TTC28: variants seen among roughly 807,000 people sequenced by gnomAD.
The protein encoded by TTC28 is tetratricopeptide repeat domain 28.
TTC28 carries 61 observed loss-of-function variants against 198.0 expected under a neutral mutation model. The observed-to-expected ratio is 0.31, with a 90% CI of 0.25 to 0.38. The LOEUF (loss-of-function observed/expected upper bound fraction) is 0.38. Ranked by LOEUF, TTC28 falls within the 10% of genes least tolerant of loss-of-function variation. TTC28 has a pLI of 1.00. For synonymous variants in TTC28, 1,171 were observed against 1,297.8 expected, an observed-to-expected ratio of 0.90 and a Z score of 2.10; for missense variants, 2,678 against 3,164.0, an observed-to-expected ratio of 0.85 and a Z score of 3.69.
At chr22:28,593,457 A>ATAGGTAGGTAGCTAGGTAGGTAGG (rs879877136) in intron 2 of TTC28, among the ~76,000 whole-genome samples, 1 of 145,706 alleles carries the variant, frequency 6.9e-6, no homozygotes, top group Non-Finnish European at 1.5e-5. Context: ...AGATAGGTAG[A>ATAGGTAGGTAGCTAGGTAGGTAGG]TAGGTAGGTA....
intron 8 of TTC28, among the ~76,000 whole-genome samples, chr22:28,102,585 T>G (rs1942185805): frequency 1.3e-5 from 2 of 152,034 alleles, no homozygotes; most frequent in Non-Finnish European, 2.9e-5. Flanking sequence ...AGAGACAGCA[T>G]GAAGGCTCCC....
At chr22:28,207,450 A>G (rs1226563467) in intron 5 of TTC28, among the ~76,000 whole-genome samples, 1 of 152,006 alleles carries the variant, frequency 6.6e-6, no homozygotes, top group South Asian at 2.1e-4. Flanking sequence ...GAAATGAATC[A>G]TGGCTCTACT....
intron 2 of TTC28, among the ~76,000 whole-genome samples, chr22:28,502,367 G>A (rs1306052453): frequency 6.6e-6 from 1 of 152,080 alleles, no homozygotes; most frequent in Admixed American, 6.6e-5. Flanking sequence ...TGGGCCAGGC[G>A]CAGTGGCTTA....
At chr22:28,564,879 TTTA>T (rs2049946427) in intron 2 of TTC28, among the ~76,000 whole-genome samples, 1 of 147,698 alleles carries the variant, frequency 6.8e-6, no homozygotes, top group African/African-American at 2.4e-5. Flanking sequence ...AAATTTATAA[TTTA>T]TTATATAAAT....
At position 27,982,396 on chromosome 22, in the gene TTC28, G is replaced by A; in HGVS notation, c.7271C>T (p.Ala2424Val). 1 of 1,551,422 alleles carries A rather than the reference G, an allele frequency of 6.4e-7. No homozygotes were observed. Among genetic ancestry groups the A allele is most frequent in the Non-Finnish European group, 8.7e-7 (1 of 1,146,956 alleles). ...KELSLQQHDGAPPKAPPNGHW... is the reference protein window; with the variant it reads ...KELSLQQHDGVPPKAPPNGHW... Reference sequence around the variant, plus strand: ...TCCGTTGGGAGGGGCTTTCGGTGGAGCTCCGTCATGCTGCTGCAGGGACAG... The same window carrying A: ...TCCGTTGGGAGGGGCTTTCGGTGGAACTCCGTCATGCTGCTGCAGGGACAG... The change falls in exon 23 of 23, where the codon GCT (alanine) becomes GTT (valine). Residue 2424 changes from alanine (A) to valine (V), a missense_variant. Transcript: ENST00000397906. This position sits in a 1 kb window ranked among gnomAD's most constrained non-coding sequence, Gnocchi z 5.2.
intron 2 of TTC28, among the ~76,000 whole-genome samples, chr22:28,321,298 C>G (rs2045442443): frequency 1.3e-5 from 2 of 152,138 alleles, no homozygotes; most frequent in South Asian, 4.1e-4. Context: ...TTTCCTCCAT[C>G]CAATTCATTA....
intron 12 of TTC28, among the ~76,000 whole-genome samples, chr22:28,090,064 T>C (rs1486383932): frequency 6.6e-6 from 1 of 151,796 alleles, no homozygotes; most frequent in Non-Finnish European, 1.5e-5. Flanking sequence ...TGTATACATA[T>C]GTAACAAACC....
chr22:28,337,811 C>G (rs1255550885), intron 2 of TTC28, among the ~76,000 whole-genome samples: 1 of 152,094 alleles, frequency 6.6e-6, no homozygotes, highest in Admixed American at 6.5e-5. Flanking sequence ...CAGTCTGTGT[C>G]TTTTAATTGG....
chr22:27,989,207 C>T (rs1380230846), intron 21 of TTC28, among the ~76,000 whole-genome samples: 2 of 150,822 alleles, frequency 1.3e-5, no homozygotes, highest in Non-Finnish European at 3.0e-5. Context: ...ATCGAGTGTC[C>T]TGCACTGACT....
intron 3 of TTC28, among the ~76,000 whole-genome samples, chr22:28,303,064 A>G (rs1368324314): frequency 6.6e-6 from 1 of 152,382 alleles, no homozygotes; most frequent in East Asian, 1.9e-4. Context: ...AACAGGTGAT[A>G]GACCATAAAT....
rs905630391 is a variant in TTC28, at chr22:28,399,323, T to G, written c.382-92680A>C. On this transcript the variant is annotated intron_variant, in intron 2 of 22. Coordinates refer to ENST00000397906, the MANE Select transcript of TTC28 (RefSeq NM_001145418.2). The stretch of plus-strand genomic sequence containing the variant: ...ATAAGTTGAGACTAAAACTGTTTTT[T>G]TTTTTTTTTTTTTGAGACAGGCTTG... Among the ~76,000 whole-genome samples, 37 of 147,562 alleles carry G rather than the reference T, an allele frequency of 2.5e-4. 2 individuals are homozygous for G. Among genetic ancestry groups the G allele is most frequent in the Admixed American group, 1.5e-3 (22 of 15,032 alleles).
chr22:28,348,741 T>C (rs2045947370), intron 2 of TTC28, among the ~76,000 whole-genome samples: 1 of 152,198 alleles, frequency 6.6e-6, no homozygotes. Flanking sequence ...CCATACTCCC[T>C]GCTCAAGTGA....
chr22:28,401,385 G>A (rs982321956), intron 2 of TTC28, among the ~76,000 whole-genome samples: 5 of 152,070 alleles, frequency 3.3e-5, no homozygotes, highest in Non-Finnish European at 7.4e-5. Flanking sequence ...GGAGACCGAC[G>A]TGGGCGGATC....
intron 2 of TTC28, among the ~76,000 whole-genome samples, chr22:28,600,239 T>C (rs1056454217): frequency 2.0e-5 from 3 of 150,854 alleles, no homozygotes; most frequent in African/African-American, 7.3e-5. Context: ...TACAAAAAGA[T>C]TGAAAACAAA....
At chr22:28,380,086 T>C (rs1188529001) in intron 2 of TTC28, among the ~76,000 whole-genome samples, 1 of 117,504 alleles carries the variant, frequency 8.5e-6, no homozygotes, top group East Asian at 1.9e-4. Flanking sequence ...GTGAAGGGTA[T>C]ACAGGAAATC....
chr22:28,354,079 C>T (rs1486513472), intron 2 of TTC28, among the ~76,000 whole-genome samples: 2 of 152,100 alleles, frequency 1.3e-5, no homozygotes, highest in Non-Finnish European at 2.9e-5. Flanking sequence ...GTGCACCACA[C>T]GTAGGAATGG....
intron 2 of TTC28, among the ~76,000 whole-genome samples, chr22:28,412,388 G>A (rs1193991230): frequency 6.6e-6 from 1 of 152,176 alleles, no homozygotes; most frequent in Non-Finnish European, 1.5e-5. Context: ...AGTGGGAGAA[G>A]AGCTCATGAT....
At chr22:28,654,534 G>C (rs931080559) in intron 1 of TTC28, among the ~76,000 whole-genome samples, 4 of 152,026 alleles carry the variant, frequency 2.6e-5, no homozygotes, top group African/African-American at 9.7e-5. Context: ...CACCATGTTG[G>C]CCAGGATGGT....
intron 2 of TTC28, among the ~76,000 whole-genome samples, chr22:28,472,546 A>ATGTGTGTGTGTGTG (rs755019373): frequency 1.1e-5 from 1 of 88,928 alleles, no homozygotes; most frequent in Non-Finnish European, 2.6e-5. Flanking sequence ...CAAAAAGAAA[A>ATGTGTGTGTGTGTG]TGTGTATGTG....
Sources: gnomAD v4.1 joint callset for allele counts (sites outside exome capture counted in the v4.1 genomes callset) on GRCh38, gnomAD v4.1.1 for gene constraint, Gnocchi (gnomAD v3.1) non-coding constraint, MANE v1.5 for transcripts, NCBI Gene and HGNC (gene_info 2026-07-23, HGNC 2026-07-21) for gene names.